The following TMEM108 variants were observed in gnomAD, a reference collection of about 807,000 sequenced individuals.
The protein encoded by TMEM108 is cancer/testis antigen 124.
A neutral mutation model predicts 35.1 loss-of-function variants in TMEM108; 12 were observed. The observed-to-expected ratio is 0.34, with a 90% CI of 0.22 to 0.55. The LOEUF is 0.55. Ranked by LOEUF, TMEM108 falls within the 20% of genes least tolerant of loss-of-function variation. The pLI is 0.89. For missense variants in TMEM108, 680 were observed against 753.3 expected (o/e 0.90, Z 1.14); for synonymous variants, 287 against 308.6 (o/e 0.93, Z 0.73).
At chr3:133,173,379 A>G (rs1945159286) in intron 2 of TMEM108, among the ~76,000 whole-genome samples, 1 of 152,254 alleles carries the variant, frequency 6.6e-6, no homozygotes, top group Admixed American at 6.5e-5. Flanking sequence ...TAGGTTGTAT[A>G]TCTACACAAA....
At chr3:133,273,921 G>T (rs1316369627) in intron 3 of TMEM108, among the ~76,000 whole-genome samples, 2 of 152,112 alleles carry the variant, frequency 1.3e-5, no homozygotes, top group African/African-American at 4.8e-5. Context: ...TTCTTCAAGG[G>T]TTTTACATCT....
intron 2 of TMEM108, among the ~76,000 whole-genome samples, chr3:133,078,421 A>C (rs1559825525): frequency 6.6e-6 from 1 of 152,148 alleles, no homozygotes; most frequent in Non-Finnish European, 1.5e-5. Flanking sequence ...GTGATGCTCT[A>C]CAAAGCTGCT....
intron 2 of TMEM108, among the ~76,000 whole-genome samples, chr3:133,170,445 A>T (rs1343205186): frequency 6.6e-6 from 1 of 152,246 alleles, no homozygotes; most frequent in Non-Finnish European, 1.5e-5. Context: ...GTATGAGTGA[A>T]GGAAGAAAAA....
chr3:133,174,610 G>C (rs557707288), intron 2 of TMEM108, among the ~76,000 whole-genome samples: 1 of 152,326 alleles, frequency 6.6e-6, no homozygotes, highest in African/African-American at 2.4e-5. Context: ...ACCTGCAGCT[G>C]AGGGTCCTGA....
At chr3:133,201,750 G>A (rs1021043837) in intron 2 of TMEM108, among the ~76,000 whole-genome samples, 2 of 152,046 alleles carry the variant, frequency 1.3e-5, no homozygotes, top group Non-Finnish European at 2.9e-5. Flanking sequence ...GAATAGTGCC[G>A]CAGTAAACAT....
intron 2 of TMEM108, among the ~76,000 whole-genome samples, chr3:133,180,333 C>T (rs1480527842): frequency 1.5e-4 from 23 of 152,102 alleles, no homozygotes; most frequent in Non-Finnish European, 8.8e-5. Flanking sequence ...AAATACATGG[C>T]ATTGAGGTTT....
At chr3:133,320,867 A>T (rs928925360) in intron 3 of TMEM108, among the ~76,000 whole-genome samples, 1 of 151,962 alleles carries the variant, frequency 6.6e-6, no homozygotes, top group African/African-American at 2.4e-5. Flanking sequence ...TCTATCATTA[A>T]CCTCCTCAAA....
At chr3:133,344,595 A>G (rs1186659424) in intron 3 of TMEM108, among the ~76,000 whole-genome samples, 2 of 151,874 alleles carry the variant, frequency 1.3e-5, no homozygotes, top group East Asian at 3.8e-4. Flanking sequence ...TAAAGAAGAT[A>G]TGAAGAGAAA....
chr3:133,183,560 G>GGAA (rs1282991374), intron 2 of TMEM108, among the ~76,000 whole-genome samples: 1 of 152,202 alleles, frequency 6.6e-6, no homozygotes, highest in East Asian at 1.9e-4. Flanking sequence ...TAAGGATGGA[G>GGAA]AGGAAAGAGA....
intron 3 of TMEM108, among the ~76,000 whole-genome samples, chr3:133,303,832 G>A (rs1252377524): frequency 6.6e-6 from 1 of 152,204 alleles, no homozygotes; most frequent in Non-Finnish European, 1.5e-5. Flanking sequence ...CTATAGTAAT[G>A]TGGTTGCTGT....
intron 2 of TMEM108, among the ~76,000 whole-genome samples, chr3:133,194,432 A>T (rs1384078121): frequency 1.3e-5 from 2 of 152,230 alleles, no homozygotes; most frequent in African/African-American, 4.8e-5. Context: ...TCTTCTGTAG[A>T]AACTAGATTC....
chr3:133,203,225 A>G (rs62280346), intron 2 of TMEM108, among the ~76,000 whole-genome samples: 107 of 152,330 alleles, frequency 7.0e-4, no homozygotes, highest in Non-Finnish European at 1.2e-3. Flanking sequence ...ATAGACAATC[A>G]TGTCATCTGC....
At chr3:133,077,084 G>C (rs1033196255) in intron 2 of TMEM108, among the ~76,000 whole-genome samples, 2 of 152,204 alleles carry the variant, frequency 1.3e-5, no homozygotes, top group South Asian at 2.1e-4. Flanking sequence ...GGAGGGCAAG[G>C]CTCCAGTTGT....
intron 3 of TMEM108, among the ~76,000 whole-genome samples, chr3:133,286,050 C>T (rs192921983): frequency 6.6e-6 from 1 of 152,324 alleles, no homozygotes; most frequent in African/African-American, 2.4e-5. Context: ...CCTCATCATT[C>T]CCTAAGCATT....
chr3:133,286,327 C>T (rs1184571248), intron 3 of TMEM108, among the ~76,000 whole-genome samples: 2 of 152,030 alleles, frequency 1.3e-5, no homozygotes, highest in African/African-American at 2.4e-5. Flanking sequence ...CCACACCCAG[C>T]TTTTATTTAT....
chr3:133,360,448 C>T (rs1382676686), intron 3 of TMEM108, among the ~76,000 whole-genome samples: 1 of 152,188 alleles, frequency 6.6e-6, no homozygotes, highest in Non-Finnish European at 1.5e-5. Context: ...TGGGGTCAAG[C>T]AGCCCTACAG....
At chr3:133,295,957 C>A (rs1402952949) in intron 3 of TMEM108, among the ~76,000 whole-genome samples, 1 of 152,182 alleles carries the variant, frequency 6.6e-6, no homozygotes, top group East Asian at 1.9e-4. Flanking sequence ...TGGGGAACAA[C>A]CTCTCTTACT....
chr3:133,228,458 A>G (rs1339675429), intron 2 of TMEM108, among the ~76,000 whole-genome samples: 1 of 152,154 alleles, frequency 6.6e-6, no homozygotes, highest in African/African-American at 2.4e-5. Context: ...CAATTTGGTA[A>G]TATATTTATT....
intron 2 of TMEM108, among the ~76,000 whole-genome samples, chr3:133,176,652 G>A (rs1945234742): frequency 6.6e-6 from 1 of 151,838 alleles, no homozygotes; most frequent in Non-Finnish European, 1.5e-5. Context: ...AGAATCTCTG[G>A]GACACATTCA....
Sources: gnomAD v4.1 joint callset for allele counts (sites outside exome capture counted in the v4.1 genomes callset) on GRCh38, gnomAD v4.1.1 for gene constraint, MANE v1.5 for transcripts, NCBI Gene and HGNC (gene_info 2026-07-23, HGNC 2026-07-21) for gene names.